PCDHGB6: variants seen among roughly 807,000 people sequenced by gnomAD.
PCDHGB6 encodes protocadherin gamma subfamily B, 6.
A neutral mutation model predicts 59.1 loss-of-function variants in PCDHGB6; 51 were observed. The observed-to-expected ratio is 0.86, with a 90% CI of 0.69 to 1.09. PCDHGB6 has a LOEUF of 1.09. Among genes scored for constraint, PCDHGB6 ranks in the 50% least tolerant of loss-of-function variants. The pLI is 0.00. For missense variants in PCDHGB6, 1,148 were observed against 1,205.1 expected (o/e 0.95, Z 0.70); for synonymous variants, 466 against 495.1 (o/e 0.94, Z 0.78).
chr5:141,413,352 G>A (rs896091511), intron 1 of PCDHGB6: 1 of 1,613,976 alleles, frequency 6.2e-7, no homozygotes, highest in African/African-American at 1.3e-5. Flanking sequence ...TGGGTCTGGC[G>A]CCCCGGGAGC....
At chr5:141,492,710 G>A (rs11953270) in intron 1 of PCDHGB6, among the ~76,000 whole-genome samples, 27,341 of 152,278 alleles carry the variant, frequency 0.18, 2,647 homozygotes, top group Admixed American at 0.28. Flanking sequence ...GAAGCCTCGA[G>A]CAGGCGGACA....
rs2099621975 is a variant in PCDHGB6 at position 141,485,946 on chromosome 5, G to A, written c.2419-8861G>A. ...AGTGTGTTGGAGAGCGCACCAGCGG[G>A]CATGGTGCTCATCCAGCTCAATGCC... On this transcript the variant is annotated intron_variant, in intron 1 of 3. Transcript: ENST00000520790. This position sits in a 1 kb window ranked among gnomAD's most constrained non-coding sequence, Gnocchi z 5.7. The A allele has an allele frequency of 1.2e-6, 2 of 1,614,040 alleles. No homozygotes were observed. The highest frequency in any genetic ancestry group is 2.2e-5 in the East Asian group (1 of 44,884).
At chr5:141,418,742 G>T (rs1351760637) in intron 1 of PCDHGB6, 6 of 1,613,778 alleles carry the variant, frequency 3.7e-6, no homozygotes, top group South Asian at 1.1e-5. Context: ...GTTCTCTCTG[G>T]ATTACACTAC....
At position 141,413,426 on chromosome 5, in the gene PCDHGB6, G is replaced by T. The variant is rs138985917; in HGVS notation, c.2418+2806G>T. On this transcript the variant is annotated intron_variant, in intron 1 of 3. Transcript: ENST00000520790. Reference sequence around the variant, plus strand: ...ACGCAGCTTTTCTCTCTGAACCCGCGCAGCGGCAGCTTGATCACCGCGGGC... The same window carrying T: ...ACGCAGCTTTTCTCTCTGAACCCGCTCAGCGGCAGCTTGATCACCGCGGGC... 776 of 1,614,090 alleles carry T rather than the reference G, an allele frequency of 4.8e-4. 5 individuals carry two copies. The African/African-American group carries it at 9.2e-3, about 19-fold the overall frequency.
At chr5:141,415,079 C>A (rs1388248799) in intron 1 of PCDHGB6, 1 of 1,613,380 alleles carries the variant, frequency 6.2e-7, no homozygotes, top group Non-Finnish European at 8.5e-7. Context: ...ACGGCGCGAG[C>A]CCTGCTGGAC....
Position 141,490,854 on chromosome 5 carries a change from C to T in PCDHGB6, c.2419-3953C>T. On this transcript the variant is annotated intron_variant, in intron 1 of 3. Transcript: ENST00000520790. The surrounding 1 kb of genome is among the most constrained non-coding windows in gnomAD (Gnocchi z 5.4). The stretch of plus-strand genomic sequence containing the variant: ...TGCAGATTGTGGTGGGGGTTCGAGA[C>T]TCCGGCTCTCCCCCATTGCATGCCA... 6.2e-7 allele frequency: 1 copy of T among 1,613,900 alleles called. No homozygotes were observed. The highest frequency in any genetic ancestry group is 8.5e-7 in the Non-Finnish European group (1 of 1,179,914).
intron 1 of PCDHGB6, among the ~76,000 whole-genome samples, chr5:141,433,690 A>G (rs951380027): frequency 2.0e-5 from 3 of 152,088 alleles, no homozygotes; most frequent in African/African-American, 7.2e-5. Flanking sequence ...ATACAAAATT[A>G]GCCGGGCGTG....
At position 141,410,332 on chromosome 5, in the gene PCDHGB6, C is replaced by T. The variant is rs541138780; in HGVS notation, c.2130C>T (p.Ala710=). The change falls in exon 1 of 4, where the codon GCC becomes GCT. Residue 710 remains alanine (A), a synonymous_variant. Transcript: ENST00000520790. ...TCTTCCTCCTCGCCGTGATTCTGGCCATTGCCTTGCGCCTGCGACGCTCTC... is the reference window on the plus strand; with the variant it reads ...TCTTCCTCCTCGCCGTGATTCTGGCTATTGCCTTGCGCCTGCGACGCTCTC... ...SVLFLLAVIL[A]IALRLRRSLS... The T allele has an allele frequency of 1.2e-6, 2 of 1,614,002 alleles. No individual in the cohort carries two copies. Among genetic ancestry groups the T allele is most frequent in the Non-Finnish European group, 1.7e-6 (2 of 1,179,894 alleles).
chr5:141,470,488 T>A (rs2099231812), intron 1 of PCDHGB6, among the ~76,000 whole-genome samples: 2 of 152,234 alleles, frequency 1.3e-5, no homozygotes, highest in South Asian at 4.1e-4. Flanking sequence ...CCTCTGGGAA[T>A]AATATTAGGT....
Position 141,477,779 on chromosome 5 carries a change from A to G in PCDHGB6, c.2419-17028A>G, listed in dbSNP as rs781567883. ...CCTAGCCACCAACATCAGCGTGAAC[A>G]TATTTGTCACTGATCGCAATGACAA... On this transcript the variant is annotated intron_variant, in intron 1 of 3. Coordinates refer to ENST00000520790, the MANE Select transcript of PCDHGB6 (RefSeq NM_018926.3). This position sits in a 1 kb window ranked among gnomAD's most constrained non-coding sequence, Gnocchi z 4.9. 5.6e-6 allele frequency: 9 copies of G among 1,613,894 alleles called. No homozygotes were observed. Among genetic ancestry groups the G allele is most frequent in the South Asian group, 5.5e-5 (5 of 91,084 alleles).
rs888836155 is a variant in PCDHGB6, at chr5:141,512,011, A to C, written c.*838A>C. The C allele has an allele frequency of 1.3e-5, 2 of 152,946 alleles. No homozygotes were observed. The highest frequency in any genetic ancestry group is 6.5e-5 in the Admixed American group (1 of 15,300). The allele number at this position is 152,946 out of a possible 1,614,324, so 9.5% of individuals were successfully genotyped here. ...GGCATGGACAAAGCTTGACACATCA[A>C]GTTATCAAGGCCTTGGAGGAGGCTC... On this transcript the variant is annotated 3_prime_UTR_variant, in exon 4 of 4. Coordinates refer to ENST00000520790, the MANE Select transcript of PCDHGB6 (RefSeq NM_018926.3).
Position 141,489,560 on chromosome 5 carries a change from A to C in PCDHGB6, c.2419-5247A>C, listed in dbSNP as rs749076412. On this transcript the variant is annotated intron_variant, in intron 1 of 3. Coordinates refer to ENST00000520790, the MANE Select transcript of PCDHGB6 (RefSeq NM_018926.3). This position sits in a 1 kb window ranked among gnomAD's most constrained non-coding sequence, Gnocchi z 4.5. Reference sequence around the variant, plus strand: ...AGCACCAGCTGCCTGCTGCCAGTGCAGGTGGTGACTGAACACCCCCTGGAG... The same window carrying C: ...AGCACCAGCTGCCTGCTGCCAGTGCCGGTGGTGACTGAACACCCCCTGGAG... 2 of 1,614,142 alleles carry C rather than the reference A, an allele frequency of 1.2e-6. No individual in the cohort carries two copies. Among genetic ancestry groups the C allele is most frequent in the Admixed American group, 3.3e-5 (2 of 60,024 alleles).
rs1230384508 is a variant in PCDHGB6 at position 141,490,990 on chromosome 5, C to T, written c.2419-3817C>T. On this transcript the variant is annotated intron_variant, in intron 1 of 3. Coordinates refer to ENST00000520790, the MANE Select transcript of PCDHGB6 (RefSeq NM_018926.3). The surrounding 1 kb of genome is among the most constrained non-coding windows in gnomAD (Gnocchi z 5.4). ...CCCCCAGCGTCTCCCTCGCTCTGCT[C>T]CTCCTGGCTCCTTGGTCACCAAGGT... 6 of 1,614,102 alleles carry T rather than the reference C, an allele frequency of 3.7e-6. No homozygotes were observed. The highest frequency in any genetic ancestry group is 1.3e-5 in the African/African-American group (1 of 75,064).
At chr5:141,452,411 A>G (rs965622061) in intron 1 of PCDHGB6, among the ~76,000 whole-genome samples, 8 of 152,200 alleles carry the variant, frequency 5.3e-5, no homozygotes, top group African/African-American at 1.9e-4. Context: ...GGTGTGAGGT[A>G]TGCTCACTGC....
chr5:141,491,564 G>A lies in PCDHGB6; in HGVS notation c.2419-3243G>A, dbSNP rs2099721154. On this transcript the variant is annotated intron_variant, in intron 1 of 3. Coordinates refer to ENST00000520790, the MANE Select transcript of PCDHGB6 (RefSeq NM_018926.3). The surrounding 1 kb of genome is among the most constrained non-coding windows in gnomAD (Gnocchi z 6.9). Reference sequence around the variant, plus strand: ...ACAGACTCGCAGAGCCACTGCTACAGGACGTGCTTTTCACCGGCCTCGGAC... The same window carrying A: ...ACAGACTCGCAGAGCCACTGCTACAAGACGTGCTTTTCACCGGCCTCGGAC... The A allele has an allele frequency of 3.1e-6, 5 of 1,613,878 alleles. No individual in the cohort carries two copies. Among genetic ancestry groups the A allele is most frequent in the Non-Finnish European group, 8.5e-7 (1 of 1,180,042 alleles).
intron 1 of PCDHGB6, chr5:141,413,373 C>T (rs1421093311): frequency 1.2e-6 from 2 of 1,613,946 alleles, no homozygotes; most frequent in Non-Finnish European, 1.7e-6. Flanking sequence ...TGGCGGAGCG[C>T]GGAGTCCGCA....
chr5:141,478,109 T>C, intron 1 of PCDHGB6: 1 of 1,614,086 alleles, frequency 6.2e-7, no homozygotes, highest in Non-Finnish European at 8.5e-7. Context: ...CCTCACTGTG[T>C]CAGTAACCGA....
At chr5:141,434,117 G>T (rs2097672674) in intron 1 of PCDHGB6, among the ~76,000 whole-genome samples, 1 of 152,126 alleles carries the variant, frequency 6.6e-6, no homozygotes, top group African/African-American at 2.4e-5. Context: ...TGGCCTTTGG[G>T]ACTCCCTTTA....
rs767197233 is a variant in PCDHGB6, at chr5:141,418,642, C to T, written c.2418+8022C>T. On this transcript the variant is annotated intron_variant, in intron 1 of 3. Coordinates refer to ENST00000520790, the MANE Select transcript of PCDHGB6 (RefSeq NM_018926.3). ...AAGACGTGCCTCCAGGCACCTCCAT[C>T]CTGAGAGTGAAGGCCACTGACCAGG... The T allele has an allele frequency of 2.3e-5, 37 of 1,614,028 alleles. No individual in the cohort carries two copies. In the South Asian group the frequency reaches 3.6e-4, roughly 16 times the overall value.
Sources: gnomAD v4.1 joint callset for allele counts (sites outside exome capture counted in the v4.1 genomes callset) on GRCh38, gnomAD v4.1.1 for gene constraint, Gnocchi (gnomAD v3.1) non-coding constraint, MANE v1.5 for transcripts, NCBI Gene and HGNC (gene_info 2026-07-23, HGNC 2026-07-21) for gene names.